PRKAG2: variants seen among roughly 807,000 people sequenced by gnomAD.
The protein encoded by PRKAG2 is 5'-AMP-activated protein kinase subunit gamma-2.
A neutral mutation model predicts 69.6 loss-of-function variants in PRKAG2; 26 were observed. The observed-to-expected ratio is 0.37, with a 90% CI of 0.27 to 0.52. PRKAG2 has a LOEUF of 0.52. Ranked by LOEUF, PRKAG2 falls within the 20% of genes least tolerant of loss-of-function variation. PRKAG2 has a pLI of 0.90. For missense variants in PRKAG2, 557 were observed against 740.0 expected, an observed-to-expected ratio of 0.75 and a Z score of 2.87; for synonymous variants, 293 against 285.0, an observed-to-expected ratio of 1.03 and a Z score of -0.28.
chr7:151,570,754 T>C (rs1348493835), intron 9 of PRKAG2, among the ~76,000 whole-genome samples: 1 of 152,144 alleles, frequency 6.6e-6, no homozygotes, highest in Non-Finnish European at 1.5e-5. Context: ...TCAACTGCAA[T>C]TAATTTGCTT....
chr7:151,860,124 T>C (rs550250641), intron 1 of PRKAG2, among the ~76,000 whole-genome samples: 2 of 152,160 alleles, frequency 1.3e-5, no homozygotes, highest in East Asian at 3.9e-4. Context: ...TCCATCTGCC[T>C]ATCGGATGCT....
chr7:151,786,815 G>T (rs1049840620), intron 1 of PRKAG2, among the ~76,000 whole-genome samples: 1 of 152,204 alleles, frequency 6.6e-6, no homozygotes, highest in Admixed American at 6.5e-5. Context: ...TGGGACTAAA[G>T]GAGTCAGGAA....
chr7:151,836,708 C>T lies in PRKAG2; in HGVS notation c.114+39799G>A, dbSNP rs2079154586. Among the ~76,000 whole-genome samples the T allele has an allele frequency of 6.6e-6, 1 of 152,196 alleles. No individual in the cohort carries two copies. The highest frequency in any genetic ancestry group is 2.4e-5 in the African/African-American group (1 of 41,460). ...ATGCGGGTCCTCCAGGGTCCTCAGG[C>T]CACAGCTCCTGGGCTGGAGAACTGT... On this transcript the variant is annotated intron_variant, in intron 1 of 15. Transcript: ENST00000287878. The surrounding 1 kb of genome is among the most constrained non-coding windows in gnomAD (Gnocchi z 4.1).
chr7:151,660,614 G>T (rs6464160), intron 4 of PRKAG2, among the ~76,000 whole-genome samples: 57,691 of 152,012 alleles, frequency 0.38, 11,907 homozygotes, highest in African/African-American at 0.55. Flanking sequence ...AATAAGACTT[G>T]AAAAGATGAC....
intron 6 of PRKAG2, among the ~76,000 whole-genome samples, chr7:151,577,579 A>G (rs1809278516): frequency 6.6e-6 from 1 of 152,232 alleles, no homozygotes; most frequent in Non-Finnish European, 1.5e-5. Flanking sequence ...TTTCTAACAC[A>G]GCTAGTGTCA....
rs909139394 is a variant in PRKAG2, at chr7:151,830,128, T to TG, written c.115-43588_115-43587insC. Reference sequence around the variant, plus strand: ...GGACTGTTCCACCTGGTTTTTTTTTTTTTTTTTTACCATGCTCACGAGGGG... The same window carrying TG: ...GGACTGTTCCACCTGGTTTTTTTTTTGTTTTTTTTACCATGCTCACGAGGGG... On this transcript the variant is annotated intron_variant, in intron 1 of 15. Coordinates refer to ENST00000287878, the MANE Select transcript of PRKAG2 (RefSeq NM_016203.4). 1.3e-5 allele frequency among the ~76,000 whole-genome samples: 2 copies of TG among 151,486 alleles called. 1 individual carries two copies. Among genetic ancestry groups the TG allele is most frequent in the Non-Finnish European group, 3.0e-5 (2 of 67,706 alleles).
chr7:151,861,024 G>A (rs1398479334), intron 1 of PRKAG2, among the ~76,000 whole-genome samples: 3 of 152,178 alleles, frequency 2.0e-5, no homozygotes, highest in Admixed American at 1.3e-4. Context: ...TTCCTGGCAC[G>A]TGGACCAAGG....
chr7:151,560,866 T>C (rs1486754711), intron 14 of PRKAG2, among the ~76,000 whole-genome samples: 1 of 152,002 alleles, frequency 6.6e-6, no homozygotes, highest in East Asian at 1.9e-4. Context: ...TGGGCCAAGA[T>C]CGCACCAGTG....
In PRKAG2 at chr7:151,836,164, T is replaced by A. The variant is rs1171353785; in HGVS notation, c.114+40343A>T. 6.6e-6 allele frequency among the ~76,000 whole-genome samples: 1 copy of A among 152,204 alleles called. No individual in the cohort carries two copies. The highest frequency in any genetic ancestry group is 2.4e-5 in the African/African-American group (1 of 41,456). ...TGTCTTCGGCCGTGTCTTTGGAGCA[T>A]TCCTTCCCCTATAGCATGATTTCTC... On this transcript the variant is annotated intron_variant, in intron 1 of 15. Coordinates refer to ENST00000287878, the MANE Select transcript of PRKAG2 (RefSeq NM_016203.4). The surrounding 1 kb of genome is among the most constrained non-coding windows in gnomAD (Gnocchi z 4.1).
intron 4 of PRKAG2, among the ~76,000 whole-genome samples, chr7:151,653,062 T>TTTC (rs1828808758): frequency 6.6e-6 from 1 of 152,330 alleles, no homozygotes; most frequent in South Asian, 2.1e-4. Context: ...CTTTCCTCCT[T>TTTC]TTCTCTGAAC....
intron 1 of PRKAG2, among the ~76,000 whole-genome samples, chr7:151,795,060 G>T (rs1038984965): frequency 8.5e-5 from 13 of 152,242 alleles, no homozygotes; most frequent in African/African-American, 3.1e-4. Flanking sequence ...CAGGGCCCCA[G>T]GGCAGCCTCT....
rs1265736638 is a variant in PRKAG2, at chr7:151,807,551, T to A, written c.115-21010A>T. ...GAGCTGAAATGGCCAGCACTGCGCC[T>A]TCCAGAACCCAGCGTAGATGCACAG... On this transcript the variant is annotated intron_variant, in intron 1 of 15. Transcript: ENST00000287878. This position sits in a 1 kb window ranked among gnomAD's most constrained non-coding sequence, Gnocchi z 4.4. 2.2e-6 allele frequency: 1 copy of A among 457,870 alleles called. No individual in the cohort carries two copies. 28.4% of individuals were successfully genotyped at this position (457,870 alleles called of 1,614,324 possible). A position where few individuals can be genotyped will look rare whatever the true frequency, so the allele number is the denominator to read the frequency against.
intron 3 of PRKAG2, among the ~76,000 whole-genome samples, chr7:151,709,036 C>A (rs190678131): frequency 6.6e-6 from 1 of 152,312 alleles, no homozygotes; most frequent in African/African-American, 2.4e-5. Context: ...GATGGTGACA[C>A]TGTGACACTG....
At chr7:151,709,314 A>ATGACGTGTGACATTGAG (rs879699220) in intron 3 of PRKAG2, among the ~76,000 whole-genome samples, 217 of 149,702 alleles carry the variant, frequency 1.4e-3, no homozygotes, top group South Asian at 2.4e-3. Context: ...GACACTGACA[A>ATGACGTGTGACATTGAG]TGACGTGTGA....
At chr7:151,619,573 T>C (rs2151265794) in intron 5 of PRKAG2, among the ~76,000 whole-genome samples, 1 of 152,308 alleles carries the variant, frequency 6.6e-6, no homozygotes. Context: ...ACAAACTTTG[T>C]TTCATGCACA....
chr7:151,710,463 G>A lies in PRKAG2; in HGVS notation c.467-34826C>T, dbSNP rs147213499. On this transcript the variant is annotated intron_variant, in intron 3 of 15. Transcript: ENST00000287878. Reference sequence around the variant, plus strand: ...AACCTTCGTGGGAAGAGAAGACCCCGTCACTCCTCTGCTCGAAGCTCTGCG... The same window carrying A: ...AACCTTCGTGGGAAGAGAAGACCCCATCACTCCTCTGCTCGAAGCTCTGCG... Among the ~76,000 whole-genome samples the A allele has an allele frequency of 4.7e-3, 714 of 152,260 alleles. 4 individuals are homozygous for A. The highest frequency in any genetic ancestry group is 7.6e-3 in the Non-Finnish European group (516 of 68,016).
chr7:151,584,424 G>A (rs1033996007), intron 6 of PRKAG2, among the ~76,000 whole-genome samples: 2 of 151,980 alleles, frequency 1.3e-5, no homozygotes, highest in South Asian at 2.1e-4. Flanking sequence ...GGCCTTGAAC[G>A]CTGAAGTCAC....
chr7:151,731,518 A>G (rs1416842722), intron 3 of PRKAG2, among the ~76,000 whole-genome samples: 3 of 114,808 alleles, frequency 2.6e-5, no homozygotes, highest in Non-Finnish European at 5.7e-5. Flanking sequence ...CTGTGGGGAG[A>G]GCTCTGTGTG....
chr7:151,846,387 G>A (rs1356647264), intron 1 of PRKAG2, among the ~76,000 whole-genome samples: 2 of 152,160 alleles, frequency 1.3e-5, no homozygotes, highest in Non-Finnish European at 2.9e-5. Context: ...AGAATCACTT[G>A]AAACCGGTAG....
Sources: allele counts gnomAD v4.1 joint callset (sites outside exome capture counted in the v4.1 genomes callset), GRCh38; gene constraint gnomAD v4.1.1; non-coding constraint Gnocchi (gnomAD v3.1); transcripts MANE v1.5; gene names NCBI Gene and HGNC (gene_info 2026-07-23, HGNC 2026-07-21).